RIPOR3: variants seen among roughly 807,000 people sequenced by gnomAD.
RIPOR3 encodes the protein RIPOR family member 3, also known as family with sequence similarity 65 member C.
In RIPOR3, 95 loss-of-function variants were observed where a neutral mutation model predicts 114.3. The ratio of observed to expected loss-of-function variants is 0.83; its 90% CI spans 0.70 to 0.99. The LOEUF (loss-of-function observed/expected upper bound fraction) is 0.99, where lower values mean the gene tolerates loss of function less well. Ranked by LOEUF, RIPOR3 falls within the 50% of genes least tolerant of loss-of-function variation. The probability of loss-of-function intolerance (pLI) is 0.00; values close to 1 mark genes in which losing one functional copy is unlikely to be tolerated. For missense variants in RIPOR3, 1,252 were observed against 1,266.9 expected (o/e 0.99, Z 0.18); for synonymous variants, 575 against 543.8 (o/e 1.06, Z -0.80).
In RIPOR3 at chr20:50,617,786, G is replaced by A. The variant is rs1038109845; in HGVS notation, c.270-1706C>T. On this transcript the variant is annotated intron_variant, in intron 3 of 21. Coordinates refer to ENST00000327979, the MANE Select transcript of RIPOR3 (RefSeq NM_001290268.2). Reference sequence around the variant, plus strand: ...GATTGCAGGCATGCCCCACCACGCCGGCTAATTTTGTATTTTTAGTAGAGA... The same window carrying A: ...GATTGCAGGCATGCCCCACCACGCCAGCTAATTTTGTATTTTTAGTAGAGA... Among the ~76,000 whole-genome samples the A allele has an allele frequency of 5.9e-5, 9 of 151,622 alleles. No homozygotes were observed. The South Asian group carries it at 6.3e-4, about 11-fold the overall frequency.
At position 50,608,474 on chromosome 20, in the gene RIPOR3, C is replaced by T. The variant is rs201077387; in HGVS notation, c.871G>A (p.Asp291Asn). 1.2e-5 allele frequency: 20 copies of T among 1,613,924 alleles called. No homozygotes were observed. In the East Asian group the frequency reaches 2.2e-4, roughly 18 times the overall value. Reference sequence around the variant, plus strand: ...ACCTGCGGCCGCGTCGTGAAGAAGTCGGCGATGTCACACGTCACTGCACCC... The same window carrying T: ...ACCTGCGGCCGCGTCGTGAAGAAGTTGGCGATGTCACACGTCACTGCACCC... The part of the protein sequence containing the change: ...AVGAVTCDIA[D>N]FFTTRPQVIV... The change falls in exon 11 of 22, where the codon GAC becomes AAC. Residue 291 changes from aspartate (D) to asparagine (N), a missense_variant. Asp to Asn is a conservative substitution (Grantham distance 23). Transcript: ENST00000327979.
intron 18 of RIPOR3, among the ~76,000 whole-genome samples, 167 bp downstream of exon 18, chr20:50,592,868 A>C (rs1292759018): frequency 6.6e-6 from 1 of 152,244 alleles, no homozygotes; most frequent in East Asian, 1.9e-4. Flanking sequence ...CCTTGGAGCT[A>C]ATATCAGCCC....
intron 1 of RIPOR3, among the ~76,000 whole-genome samples, chr20:50,638,133 C>T (rs537346165): frequency 2.4e-3 from 373 of 152,296 alleles, no homozygotes; most frequent in Non-Finnish European, 3.6e-3. Flanking sequence ...GCTCTGCCAT[C>T]CTCCAGAACC....
At chr20:50,664,088 G>A (rs1232791363) in intron 1 of RIPOR3, among the ~76,000 whole-genome samples, 1 of 151,956 alleles carries the variant, frequency 6.6e-6, no homozygotes. Context: ...CACTACACCT[G>A]GCTAATTTCT....
At position 50,602,152 on chromosome 20, in the gene RIPOR3, A is replaced by C. The variant is rs780084072; in HGVS notation, c.1579T>G (p.Leu527Val). 1 of 1,611,894 alleles carries C rather than the reference A, an allele frequency of 6.2e-7. No homozygotes were observed. Among genetic ancestry groups the C allele is most frequent in the Non-Finnish European group, 8.5e-7 (1 of 1,179,256 alleles). ...LEGPLQEVLE[L>V]LRPTDSTQPQ... is the part of the protein sequence containing the mutation. ...TGGGTGGAGTCCGTGGGCCTCAGCA[A>C]CTCCAGGACCTCCTGCAGAGGCCCC... Residue 527 changes from leucine (L) to valine (V), a missense_variant, in exon 13 of 22, where the codon TTG (leucine) becomes GTG (valine). Coordinates refer to ENST00000327979, the MANE Select transcript of RIPOR3 (RefSeq NM_001290268.2). This position sits in a 1 kb window ranked among gnomAD's most constrained non-coding sequence, Gnocchi z 4.3.
chr20:50,598,846 A>G (rs1174393630), intron 13 of RIPOR3, among the ~76,000 whole-genome samples: 2 of 150,102 alleles, frequency 1.3e-5, no homozygotes, highest in African/African-American at 4.9e-5. Context: ...CGGAGGTTGC[A>G]GTGAGCCAAG....
At chr20:50,600,269 A>G (rs536189450) in intron 13 of RIPOR3, among the ~76,000 whole-genome samples, 2 of 152,258 alleles carry the variant, frequency 1.3e-5, no homozygotes, top group South Asian at 4.1e-4. Flanking sequence ...CAAACCAAAA[A>G]CCACGGTCTG....
intron 4 of RIPOR3, among the ~76,000 whole-genome samples, chr20:50,613,939 G>C (rs930648780): frequency 6.6e-6 from 1 of 152,144 alleles, no homozygotes; most frequent in African/African-American, 2.4e-5. Context: ...ATGAGGCTGG[G>C]TCCTTGCCTC....
chr20:50,599,244 T>C (rs2083410394), intron 13 of RIPOR3, among the ~76,000 whole-genome samples: 1 of 151,900 alleles, frequency 6.6e-6, no homozygotes, highest in African/African-American at 2.4e-5. Context: ...ATACAAAAAT[T>C]AGCCGGGCAT....
intron 1 of RIPOR3, among the ~76,000 whole-genome samples, chr20:50,642,602 C>T (rs192793582): frequency 6.6e-6 from 1 of 151,720 alleles, no homozygotes; most frequent in African/African-American, 2.4e-5. Flanking sequence ...CCCCCCTCCC[C>T]CCATGAGGCC....
chr20:50,649,996 T>C (rs1015902779), intron 1 of RIPOR3, among the ~76,000 whole-genome samples: 2 of 152,116 alleles, frequency 1.3e-5, no homozygotes, highest in Non-Finnish European at 2.9e-5. Context: ...CTGCAGTCTG[T>C]GTGTAACAGA....
chr20:50,681,005 A>G (rs1171530488), intron 1 of RIPOR3, among the ~76,000 whole-genome samples: 2 of 152,124 alleles, frequency 1.3e-5, no homozygotes, highest in Non-Finnish European at 2.9e-5. Flanking sequence ...GGGTGAATCT[A>G]TTTCAGCTCA....
rs147813179 is a variant in RIPOR3, at chr20:50,628,901, G to C, written c.122+1837C>G. On this transcript the variant is annotated intron_variant, in intron 2 of 21. Coordinates refer to ENST00000327979, the MANE Select transcript of RIPOR3 (RefSeq NM_001290268.2). ...AGTGAGCTGGGAGGGCTGACCTCAG[G>C]GGGGTGGAGGTGGGGTCCTATCCCC... Among the ~76,000 whole-genome samples, 198 of 152,330 alleles carry C rather than the reference G, an allele frequency of 1.3e-3. 1 individual carries two copies. Among genetic ancestry groups the C allele is most frequent in the African/African-American group, 4.0e-3 (166 of 41,574 alleles).
At chr20:50,639,717 G>A (rs2085119256) in intron 1 of RIPOR3, among the ~76,000 whole-genome samples, 3 of 152,204 alleles carry the variant, frequency 2.0e-5, no homozygotes, top group Admixed American at 2.0e-4. Context: ...ATACAATACA[G>A]GTAAAGTGCT....
In RIPOR3 at chr20:50,608,381, G is replaced by C; in HGVS notation, c.956+8C>G. ...GCCTCCGCTCTCCCCAGGCTGGACGGGACTCACTTCCACTGCACCTCCAGC... is the reference window on the plus strand; with the variant it reads ...GCCTCCGCTCTCCCCAGGCTGGACGCGACTCACTTCCACTGCACCTCCAGC... On this transcript the variant is annotated splice_region_variant and intron_variant, in intron 11 of 21. Transcript: ENST00000327979. 2 of 1,613,790 alleles carry C rather than the reference G, an allele frequency of 1.2e-6. No homozygotes were observed. The highest frequency in any genetic ancestry group is 1.7e-6 in the Non-Finnish European group (2 of 1,179,876).
intron 5 of RIPOR3, 118 bp from the exon 6 acceptor site, chr20:50,611,024 T>C (rs2083959503): frequency 2.5e-6 from 1 of 399,698 alleles, no homozygotes; most frequent in Admixed American, 4.4e-5. Flanking sequence ...TCACCATCCC[T>C]GAGGAAGGCT....
At chr20:50,619,814 C>T (rs538288587) in intron 3 of RIPOR3, among the ~76,000 whole-genome samples, 172 bp downstream of exon 3, 2 of 152,182 alleles carry the variant, frequency 1.3e-5, no homozygotes, top group African/African-American at 4.8e-5. Context: ...GCCCAAGGAC[C>T]GGGCTGAGCA....
Position 50,609,626 on chromosome 20 carries a change from C to T in RIPOR3, c.523G>A (p.Ala175Thr), listed in dbSNP as rs768330829. The T allele has an allele frequency of 2.3e-5, 32 of 1,405,474 alleles. No homozygotes were observed. The South Asian group carries it at 3.3e-4, about 14-fold the overall frequency. The allele number at this position is 1,405,474 out of a possible 1,614,324, so 87.1% of individuals were successfully genotyped here. The change falls in exon 7 of 22, where the codon GCA becomes ACA. Residue 175 changes from alanine to threonine, a missense_variant. Coordinates refer to ENST00000327979, the MANE Select transcript of RIPOR3 (RefSeq NM_001290268.2). ...RAFARCPPSR[A>T]ARESLQELGR... is the part of the protein sequence containing the mutation. ...AGCTCCTGCAGGCTCTCTCGGGCTG[C>T]GCGGCTCGGGGGGCACCGGGCGAAG...
chr20:50,597,952 C>T (rs1251005812), intron 13 of RIPOR3, among the ~76,000 whole-genome samples: 1 of 152,180 alleles, frequency 6.6e-6, no homozygotes, highest in Non-Finnish European at 1.5e-5. Flanking sequence ...GGGGACAGAT[C>T]TGAAAACCCT....
Sources: allele counts gnomAD v4.1 joint callset (sites outside exome capture counted in the v4.1 genomes callset), GRCh38; gene constraint gnomAD v4.1.1; non-coding constraint Gnocchi (gnomAD v3.1); transcripts MANE v1.5; gene names NCBI Gene and HGNC (gene_info 2026-07-23, HGNC 2026-07-21).